BEND7: variants seen among roughly 807,000 people sequenced by gnomAD.
BEND7 encodes BEN domain containing 7, also known as BEN domain-containing protein 7.
In BEND7, 28 loss-of-function variants were observed where a neutral mutation model predicts 50.9. The observed-to-expected ratio is 0.55, with a 90% CI of 0.41 to 0.75. The LOEUF is 0.75. BEND7 is among the 30% of genes least tolerant of loss of function. The probability of loss-of-function intolerance (pLI) is 0.00; values close to 1 mark genes in which losing one functional copy is unlikely to be tolerated. For missense variants in BEND7, 477 were observed against 491.3 expected (o/e 0.97, Z 0.28); for synonymous variants, 170 against 183.9 (o/e 0.92, Z 0.61).
chr10:13,519,197 G>A (rs2078908565), intron 2 of BEND7, among the ~76,000 whole-genome samples: 1 of 152,224 alleles, frequency 6.6e-6, no homozygotes, highest in Admixed American at 6.5e-5. Context: ...CCTAGGCTGG[G>A]CACGGTGGCT....
At chr10:13,455,088 C>G (rs1015916819) in intron 6 of BEND7, among the ~76,000 whole-genome samples, 1 of 152,118 alleles carries the variant, frequency 6.6e-6, no homozygotes, top group Non-Finnish European at 1.5e-5. Flanking sequence ...AGGAGAATCG[C>G]TTGAACCTGA....
chr10:13,463,441 G>T (rs764700376), intron 6 of BEND7, among the ~76,000 whole-genome samples: 27 of 152,170 alleles, frequency 1.8e-4, no homozygotes, highest in Non-Finnish European at 2.9e-4. Context: ...GTAGATAAAA[G>T]ACCAAATGTA....
At chr10:13,455,177 A>C (rs142324627) in intron 6 of BEND7, among the ~76,000 whole-genome samples, 17 of 152,094 alleles carry the variant, frequency 1.1e-4, no homozygotes, top group African/African-American at 3.9e-4. Context: ...GACTCAAACA[A>C]ACACACAACA....
chr10:13,460,828 C>A (rs1840065237), intron 6 of BEND7, among the ~76,000 whole-genome samples: 1 of 152,208 alleles, frequency 6.6e-6, no homozygotes, highest in Non-Finnish European at 1.5e-5. Flanking sequence ...GGGACTTAAA[C>A]CTCATTGTGA....
At chr10:13,468,039 C>T (rs770089169) in intron 6 of BEND7, among the ~76,000 whole-genome samples, 10 of 152,072 alleles carry the variant, frequency 6.6e-5, no homozygotes, top group Non-Finnish European at 1.2e-4. Flanking sequence ...CCGATCTGCC[C>T]GGGAAGTTCA....
At position 13,528,593 on chromosome 10, in the gene BEND7, GGCGGC is replaced by G. The variant is rs2079569340; in HGVS notation, c.-65_-61del. ...CGGCGGCAGCGGCGGCAGCGGCAGC[GGCGGC>G]AGCGGCAGCGGCGGCGCGGGCTCGT... On this transcript the variant is annotated 5_prime_UTR_variant, in exon 1 of 9. Coordinates refer to ENST00000466271, the MANE Select transcript of BEND7 (RefSeq NM_001369863.1). 4.8e-6 allele frequency: 4 copies of G among 830,260 alleles called. No homozygotes were observed. The African/African-American group carries it at 7.8e-5, about 16-fold the overall frequency. 51.4% of individuals were successfully genotyped at this position (830,260 alleles called of 1,614,324 possible).
At chr10:13,455,693 G>T (rs1018918835) in intron 6 of BEND7, among the ~76,000 whole-genome samples, 1 of 152,156 alleles carries the variant, frequency 6.6e-6, no homozygotes, top group Non-Finnish European at 1.5e-5. Flanking sequence ...AAATGGAGGG[G>T]CTGCCTCCAA....
chr10:13,504,887 T>C (rs1029806627), intron 2 of BEND7, among the ~76,000 whole-genome samples: 1 of 152,166 alleles, frequency 6.6e-6, no homozygotes, highest in Non-Finnish European at 1.5e-5. Flanking sequence ...CTCTACTAGA[T>C]CACGTTCCTT....
rs1467938216 is a variant in BEND7 at position 13,492,687 on chromosome 10, T to C, written c.761A>G (p.Gln254Arg). 1.9e-6 allele frequency: 3 copies of C among 1,614,166 alleles called. No homozygotes were observed. Among genetic ancestry groups the C allele is most frequent in the East Asian group, 2.2e-5 (1 of 44,882 alleles). ...CTCCGGGGAGGTGTGCTCGGCTGCC[T>C]GGAGAGCAGATAGCTCAGAGGCCAC... ...SVVASELSAL[Q>R]AAEHTSPEES... The change falls in exon 5 of 9, where the codon CAG (glutamine) becomes CGG (arginine). Residue 254 changes from glutamine to arginine, a missense_variant. Around this residue, in one of 3 missense-constraint regions of BEND7, gnomAD observed 396 missense variants for 384.2 expected, o/e 1.03. Coordinates refer to ENST00000466271, the MANE Select transcript of BEND7 (RefSeq NM_001369863.1).
intron 2 of BEND7, among the ~76,000 whole-genome samples, chr10:13,504,901 G>A (rs1193941801): frequency 6.6e-6 from 1 of 152,064 alleles, no homozygotes; most frequent in Non-Finnish European, 1.5e-5. Flanking sequence ...GTTCCTTTAC[G>A]CAAAGAATTT....
intron 4 of BEND7, among the ~76,000 whole-genome samples, chr10:13,494,163 A>G (rs1384551143): frequency 6.6e-6 from 1 of 152,208 alleles, no homozygotes; most frequent in Admixed American, 6.5e-5. Flanking sequence ...TCACCCCTGT[A>G]ATCCCAGCAC....
At chr10:13,494,887 A>G (rs1361921687) in intron 4 of BEND7, among the ~76,000 whole-genome samples, 1 of 152,224 alleles carries the variant, frequency 6.6e-6, no homozygotes, top group African/African-American at 2.4e-5. Flanking sequence ...ACCTTAAGTA[A>G]ATCTACCCAC....
At chr10:13,509,182 T>C (rs993340477) in intron 2 of BEND7, among the ~76,000 whole-genome samples, 1 of 152,198 alleles carries the variant, frequency 6.6e-6, no homozygotes, top group Non-Finnish European at 1.5e-5. Flanking sequence ...TATGAGAAGT[T>C]TGGGGACAGA....
intron 2 of BEND7, among the ~76,000 whole-genome samples, chr10:13,507,328 C>T (rs2077970561): frequency 6.6e-6 from 1 of 152,196 alleles, no homozygotes; most frequent in African/African-American, 2.4e-5. Context: ...GCGCCAGTCT[C>T]AAACCCATCA....
At chr10:13,453,257 C>CGGT (rs1278717678) in intron 6 of BEND7, among the ~76,000 whole-genome samples, 4 of 152,114 alleles carry the variant, frequency 2.6e-5, no homozygotes, top group African/African-American at 9.7e-5. Flanking sequence ...ACAAGGCAGG[C>CGGT]GGGACAATGA....
chr10:13,448,890 G>A (rs1837043993), intron 7 of BEND7, among the ~76,000 whole-genome samples: 1 of 151,418 alleles, frequency 6.6e-6, no homozygotes, highest in Non-Finnish European at 1.5e-5. Context: ...CAGGAGAATG[G>A]TGTGAACCCG....
Sources: allele counts gnomAD v4.1 joint callset (sites outside exome capture counted in the v4.1 genomes callset), GRCh38; gene constraint gnomAD v4.1.1; regional missense constraint gnomAD v4.1.1; transcripts MANE v1.5; gene names NCBI Gene and HGNC (gene_info 2026-07-23, HGNC 2026-07-21).